Variants in DLG2 observed in about 807,000 individuals in gnomAD.
DLG2 encodes the protein discs large MAGUK scaffold protein 2, also known as disks large homolog 2.
Under a neutral mutation model 132.5 loss-of-function variants are expected in DLG2, and 45 were observed. The ratio of observed to expected loss-of-function variants is 0.34; its 90% confidence interval spans 0.27 to 0.44. DLG2 has a LOEUF of 0.44. Ranked by LOEUF, DLG2 falls within the 20% of genes least tolerant of loss-of-function variation. The pLI is 1.00. For missense variants in DLG2, 1,045 were observed against 1,196.9 expected, an observed-to-expected ratio of 0.87 and a Z score of 1.87; for synonymous variants, 424 against 419.6, an observed-to-expected ratio of 1.01 and a Z score of -0.13.
chr11:85,466,147 G>A (rs2092780955), intron 3 of DLG2, among the ~76,000 whole-genome samples: 1 of 152,036 alleles, frequency 6.6e-6, no homozygotes, highest in African/African-American at 2.4e-5. Context: ...ACTTTTTGAT[G>A]GGGTTGCTTG....
At chr11:83,920,584 A>G (rs966397264) in intron 15 of DLG2, among the ~76,000 whole-genome samples, 1 of 152,030 alleles carries the variant, frequency 6.6e-6, no homozygotes, top group African/African-American at 2.4e-5. Context: ...TGAGGTATCT[A>G]TTGGGGGGGT....
intron 4 of DLG2, among the ~76,000 whole-genome samples, chr11:85,271,685 CA>C (rs1366948393): frequency 6.6e-6 from 1 of 152,228 alleles, no homozygotes; most frequent in Non-Finnish European, 1.5e-5. Context: ...CAAAGAATAT[CA>C]ATCTGGAGCT....
At chr11:85,196,804 C>G (rs935792150) in intron 4 of DLG2, among the ~76,000 whole-genome samples, 1 of 152,060 alleles carries the variant, frequency 6.6e-6, no homozygotes, top group Non-Finnish European at 1.5e-5. Flanking sequence ...TGGAAAGTAG[C>G]TTTTTCTTGT....
chr11:83,611,943 G>A lies in DLG2; in HGVS notation c.1940+21268C>T, dbSNP rs564933526. On this transcript the variant is annotated intron_variant, in intron 19 of 27. Transcript: ENST00000376104. ...GGGCAACTGTTTGAGCGGGAGGGAAGCATGCATTTGAAGTAGCACACAGGT... is the reference window on the plus strand; with the variant it reads ...GGGCAACTGTTTGAGCGGGAGGGAAACATGCATTTGAAGTAGCACACAGGT... Among the ~76,000 whole-genome samples the A allele has an allele frequency of 5.8e-4, 88 of 152,308 alleles. No homozygotes were observed. The Middle Eastern group carries it at 0.01, about 18-fold the overall frequency.
intron 7 of DLG2, among the ~76,000 whole-genome samples, chr11:84,330,390 G>T (rs2098453114): frequency 6.6e-6 from 1 of 152,162 alleles, no homozygotes; most frequent in Non-Finnish European, 1.5e-5. Context: ...TCAAGCATAT[G>T]TACTCATTTT....
intron 6 of DLG2, chr11:84,545,751 CTTTTTTT>C (rs35596423): frequency 2.8e-5 from 3 of 106,744 alleles, no homozygotes; most frequent in African/African-American, 4.0e-5. Context: ...AGGTGATGTT[CTTTTTTT>C]TTTTTTTTTT....
rs190985352 is a variant in DLG2, at chr11:85,409,689, G to A, written c.41-124324C>T. On this transcript the variant is annotated intron_variant, in intron 3 of 27. Transcript: ENST00000376104. ...CCAATGGGAGGCAGTTATATATCTG[G>A]GGGGGTGGAGAAATACCGAATACTG... Among the ~76,000 whole-genome samples, 935 of 151,840 alleles carry A rather than the reference G, an allele frequency of 6.2e-3. 9 individuals carry two copies. Among genetic ancestry groups the A allele is most frequent in the African/African-American group, 0.021 (867 of 41,456 alleles).
chr11:85,413,909 T>C (rs1201893184), intron 3 of DLG2, among the ~76,000 whole-genome samples: 1 of 151,986 alleles, frequency 6.6e-6, no homozygotes, highest in Non-Finnish European at 1.5e-5. Context: ...ATATGACATT[T>C]AGAATTTTTT....
At chr11:83,836,394 T>C (rs1457519412) in intron 16 of DLG2, among the ~76,000 whole-genome samples, 1 of 152,166 alleles carries the variant, frequency 6.6e-6, no homozygotes, top group Non-Finnish European at 1.5e-5. Context: ...TTGCTGGCCA[T>C]CAACTGGGGC....
intron 3 of DLG2, among the ~76,000 whole-genome samples, chr11:85,509,546 G>A (rs2153152810): frequency 6.6e-6 from 1 of 152,174 alleles, no homozygotes; most frequent in Middle Eastern, 3.4e-3. Context: ...GCCTTTTCTT[G>A]TGAAAGACAA....
chr11:85,489,137 CA>C (rs941217113), intron 3 of DLG2, among the ~76,000 whole-genome samples: 3 of 151,916 alleles, frequency 2.0e-5, no homozygotes, highest in African/African-American at 7.2e-5. Context: ...TGGAAAAATG[CA>C]TGAAAAAAAT....
chr11:83,804,491 C>T (rs1339593006), intron 17 of DLG2, among the ~76,000 whole-genome samples: 1 of 151,148 alleles, frequency 6.6e-6, no homozygotes, highest in Non-Finnish European at 1.5e-5. Context: ...CATAAAGATT[C>T]AACAGTTCTT....
At chr11:85,072,195 T>A (rs1022025741) in intron 6 of DLG2, among the ~76,000 whole-genome samples, 56 of 151,846 alleles carry the variant, frequency 3.7e-4, no homozygotes, top group African/African-American at 9.7e-4. Flanking sequence ...GCCATCTTAT[T>A]TACTTCCCTT....
At chr11:83,853,831 T>A (rs2060128455) in intron 16 of DLG2, among the ~76,000 whole-genome samples, 1 of 152,120 alleles carries the variant, frequency 6.6e-6, no homozygotes, top group Non-Finnish European at 1.5e-5. Flanking sequence ...AAGGCAAGAA[T>A]GTTCCCTTTC....
At chr11:85,430,496 A>G (rs2091100352) in intron 3 of DLG2, among the ~76,000 whole-genome samples, 2 of 152,172 alleles carry the variant, frequency 1.3e-5, no homozygotes, top group African/African-American at 4.8e-5. Flanking sequence ...TCTATTGAAC[A>G]TAATATTCTG....
At chr11:83,958,090 A>G (rs2087388389) in intron 14 of DLG2, among the ~76,000 whole-genome samples, 1 of 152,242 alleles carries the variant, frequency 6.6e-6, no homozygotes, top group African/African-American at 2.4e-5. Context: ...TTTGTTCACC[A>G]TTGTGACTAT....
chr11:85,219,076 G>C (rs972846633), intron 4 of DLG2, among the ~76,000 whole-genome samples: 9 of 152,094 alleles, frequency 5.9e-5, no homozygotes, highest in African/African-American at 1.9e-4. Flanking sequence ...GACTACTAGA[G>C]AGGGAGGCAA....
At chr11:84,535,998 C>G (rs1312168492) in intron 6 of DLG2, among the ~76,000 whole-genome samples, 2 of 147,430 alleles carry the variant, frequency 1.4e-5, no homozygotes, top group South Asian at 2.2e-4. Context: ...CAGACTGACT[C>G]ATAGTGGAAA....
At chr11:83,841,674 T>C (rs1016468165) in intron 16 of DLG2, among the ~76,000 whole-genome samples, 22 of 152,244 alleles carry the variant, frequency 1.4e-4, no homozygotes, top group African/African-American at 5.3e-4. Context: ...CACTGTCAGC[T>C]AATTTCATAT....
Sources: allele counts gnomAD v4.1 joint callset (sites outside exome capture counted in the v4.1 genomes callset), GRCh38; gene constraint gnomAD v4.1.1; transcripts MANE v1.5; gene names NCBI Gene and HGNC (gene_info 2026-07-23, HGNC 2026-07-21).